The following PRELID2 variants were observed in gnomAD, a reference collection of about 807,000 sequenced individuals.
The protein encoded by PRELID2 is PRELI domain-containing protein 2.
A neutral mutation model predicts 28.4 loss-of-function variants in PRELID2; 25 were observed. The ratio of observed to expected loss-of-function variants is 0.88; its 90% CI spans 0.64 to 1.23. The LOEUF (loss-of-function observed/expected upper bound fraction) is 1.23, where lower values mean the gene tolerates loss of function less well. Ranked by LOEUF, PRELID2 falls within the 50% of genes most tolerant of loss-of-function variation. The probability of loss-of-function intolerance (pLI) is 0.00; values close to 1 mark genes in which losing one functional copy is unlikely to be tolerated. For synonymous variants in PRELID2, 76 were observed against 71.6 expected, an observed-to-expected ratio of 1.06 and a Z score of -0.31; for missense variants, 201 against 214.4, an observed-to-expected ratio of 0.94 and a Z score of 0.39.
chr5:145,654,060 A>AG (rs1331837952), intron 1 of PRELID2, among the ~76,000 whole-genome samples: 1 of 152,184 alleles, frequency 6.6e-6, no homozygotes, highest in Non-Finnish European at 1.5e-5. Context: ...AAAATGATAA[A>AG]GGGGATATCA....
At chr5:145,820,504 CA>C (rs1754708064) in intron 2 of PRELID2, among the ~76,000 whole-genome samples, 1 of 152,038 alleles carries the variant, frequency 6.6e-6, no homozygotes, top group Non-Finnish European at 1.5e-5. Context: ...AATGTTTCAA[CA>C]AAAAGAGGGA....
At chr5:145,750,024 C>A (rs1412973251) in intron 1 of PRELID2, among the ~76,000 whole-genome samples, 1 of 151,732 alleles carries the variant, frequency 6.6e-6, no homozygotes, top group Non-Finnish European at 1.5e-5. Flanking sequence ...AGCAAACCAC[C>A]ATGGCACATG....
chr5:145,309,613 C>T, the PRELID2 span, among the ~76,000 whole-genome samples: 1 of 152,158 alleles, frequency 6.6e-6, no homozygotes, highest in South Asian at 2.1e-4. Context: ...TCTACTCTCA[C>T]TAACAACAAT....
the PRELID2 span, among the ~76,000 whole-genome samples, chr5:145,430,871 A>G: frequency 6.6e-6 from 1 of 152,060 alleles, no homozygotes; most frequent in Non-Finnish European, 1.5e-5. Context: ...CAAATTATAT[A>G]GCTGATCTTG....
At chr5:145,708,885 G>A (rs528187897) in intron 1 of PRELID2, among the ~76,000 whole-genome samples, 170 of 152,294 alleles carry the variant, frequency 1.1e-3, no homozygotes, top group African/African-American at 2.9e-3. Context: ...ACAAATCCTC[G>A]TGTGCTTTTG....
At chr5:145,377,136 T>G in the PRELID2 span, among the ~76,000 whole-genome samples, 2 of 152,214 alleles carry the variant, frequency 1.3e-5, no homozygotes, top group Admixed American at 1.3e-4. Flanking sequence ...TGCTTTAATT[T>G]CATTATTTAC....
chr5:145,387,264 T>C, the PRELID2 span, among the ~76,000 whole-genome samples: 1 of 152,038 alleles, frequency 6.6e-6, no homozygotes, highest in Non-Finnish European at 1.5e-5. Context: ...ATGGTTATGT[T>C]GGGCTAGTGA....
chr5:145,563,673 G>A (rs1752942180), intron 1 of PRELID2, among the ~76,000 whole-genome samples: 1 of 152,134 alleles, frequency 6.6e-6, no homozygotes, highest in South Asian at 2.1e-4. Flanking sequence ...AAGTAAGCCA[G>A]ACGCAAAAAG....
chr5:145,288,689 A>T, the PRELID2 span, among the ~76,000 whole-genome samples: 1 of 152,140 alleles, frequency 6.6e-6, no homozygotes, highest in South Asian at 2.1e-4. Context: ...GTGTTTATTA[A>T]CATATGAATG....
At chr5:145,462,207 A>G in the PRELID2 span, among the ~76,000 whole-genome samples, 1 of 152,214 alleles carries the variant, frequency 6.6e-6, no homozygotes, top group Non-Finnish European at 1.5e-5. Context: ...CAAACTCCAG[A>G]AAAATCTCAG....
the PRELID2 span, among the ~76,000 whole-genome samples, chr5:145,435,831 G>C: frequency 6.6e-6 from 1 of 152,142 alleles, no homozygotes; most frequent in Non-Finnish European, 1.5e-5. Flanking sequence ...TAAAACTTGT[G>C]TCTACCACAC....
chr5:145,334,062 G>A, the PRELID2 span, among the ~76,000 whole-genome samples: 19 of 152,012 alleles, frequency 1.2e-4, no homozygotes, highest in African/African-American at 3.6e-4. Flanking sequence ...TGGGTGAACC[G>A]ACGCCCCACC....
intron 1 of PRELID2, among the ~76,000 whole-genome samples, chr5:145,584,175 A>T (rs1034407493): frequency 6.6e-6 from 1 of 152,164 alleles, no homozygotes; most frequent in Non-Finnish European, 1.5e-5. Flanking sequence ...CCTGACAAAA[A>T]CAAGCAATAG....
chr5:145,382,854 T>C, the PRELID2 span, among the ~76,000 whole-genome samples: 1 of 151,662 alleles, frequency 6.6e-6, no homozygotes, highest in Non-Finnish European at 1.5e-5. Flanking sequence ...ACCTCCAGAA[T>C]CTAAAATAAA....
chr5:145,414,528 C>G, the PRELID2 span, among the ~76,000 whole-genome samples: 2 of 152,114 alleles, frequency 1.3e-5, no homozygotes, highest in East Asian at 1.9e-4. Flanking sequence ...ACTTTTCTTT[C>G]TTTTTCAATT....
At chr5:145,705,968 A>ACACACACACG (rs1386879927) in intron 1 of PRELID2, among the ~76,000 whole-genome samples, 55 of 151,584 alleles carry the variant, frequency 3.6e-4, no homozygotes, top group African/African-American at 1.3e-3. Flanking sequence ...ACACACACAC[A>ACACACACACG]CACTCCCCAC....
chr5:145,528,726 C>CACACACACACAG (rs1475264275), intron 1 of PRELID2, among the ~76,000 whole-genome samples: 2 of 53,528 alleles, frequency 3.7e-5, no homozygotes, highest in African/African-American at 6.3e-5. Context: ...CACACACACA[C>CACACACACACAG]AGAGAGAGAG....
the PRELID2 span, among the ~76,000 whole-genome samples, chr5:145,457,175 G>T: frequency 2.6e-5 from 4 of 152,236 alleles, no homozygotes; most frequent in South Asian, 6.2e-4. Context: ...AATAAAAAGA[G>T]CATGAGCTTA....
the PRELID2 span, among the ~76,000 whole-genome samples, chr5:145,424,280 G>A: frequency 1.9e-4 from 29 of 152,170 alleles, no homozygotes; most frequent in East Asian, 9.6e-4. Context: ...CGAGCTTCCC[G>A]GCTGCTTTGT....
Sources: gnomAD v4.1 joint callset for allele counts (sites outside exome capture counted in the v4.1 genomes callset) on GRCh38, gnomAD v4.1.1 for gene constraint, MANE v1.5 for transcripts, NCBI Gene and HGNC (gene_info 2026-07-23, HGNC 2026-07-21) for gene names.